TXNDC16: variants seen among roughly 807,000 people sequenced by gnomAD.
TXNDC16 encodes the protein thioredoxin domain containing 16.
A neutral mutation model predicts 85.6 loss-of-function variants in TXNDC16; 74 were observed. The observed-to-expected ratio is 0.86, with a 90% CI of 0.72 to 1.05. The LOEUF (loss-of-function observed/expected upper bound fraction) is 1.05. Ranked by LOEUF, TXNDC16 falls within the 50% of genes least tolerant of loss-of-function variation. TXNDC16 has a pLI of 0.00. For synonymous variants in TXNDC16, 335 were observed against 326.5 expected, an observed-to-expected ratio of 1.03 and a Z score of -0.28; for missense variants, 959 against 947.0, an observed-to-expected ratio of 1.01 and a Z score of -0.17.
chr14:52,539,227 G>T (rs183081607), intron 4 of TXNDC16, among the ~76,000 whole-genome samples: 8 of 152,282 alleles, frequency 5.3e-5, no homozygotes, highest in African/African-American at 1.9e-4. Context: ...TTTTAGAGAG[G>T]TAATCAAGGA....
chr14:52,486,587 G>A (rs1183703380), intron 12 of TXNDC16, among the ~76,000 whole-genome samples: 3 of 151,804 alleles, frequency 2.0e-5, no homozygotes, highest in Admixed American at 2.0e-4. Flanking sequence ...TTTCTCTGGG[G>A]TGCACCTGTC....
chr14:52,495,663 C>T (rs975890954), intron 9 of TXNDC16, among the ~76,000 whole-genome samples: 1 of 152,094 alleles, frequency 6.6e-6, no homozygotes, highest in African/African-American at 2.4e-5. Flanking sequence ...CGGTAGTCTG[C>T]CCCCTGGCTA....
chr14:52,527,798 T>C (rs1371760327), intron 6 of TXNDC16, among the ~76,000 whole-genome samples: 4 of 152,116 alleles, frequency 2.6e-5, no homozygotes, highest in African/African-American at 9.7e-5. Context: ...GACTCACAAG[T>C]AGGGTAACAA....
intron 4 of TXNDC16, among the ~76,000 whole-genome samples, chr14:52,540,433 T>C (rs1455066499): frequency 6.6e-6 from 1 of 152,146 alleles, no homozygotes; most frequent in Non-Finnish European, 1.5e-5. Flanking sequence ...GAGACCAGCC[T>C]GACCAATATG....
At chr14:52,486,798 A>G (rs2036283155) in intron 12 of TXNDC16, among the ~76,000 whole-genome samples, 1 of 152,234 alleles carries the variant, frequency 6.6e-6, no homozygotes, top group African/African-American at 2.4e-5. Flanking sequence ...CAAAAGAAAT[A>G]CTAGAAACAG....
chr14:52,433,599 G>T (rs1393493983), intron 20 of TXNDC16, among the ~76,000 whole-genome samples: 3 of 152,072 alleles, frequency 2.0e-5, no homozygotes, highest in Admixed American at 6.6e-5. Context: ...CTAGAGTAAA[G>T]CTCAAACAAA....
At chr14:52,491,154 A>G (rs2036395642) in intron 9 of TXNDC16, 149 bp from the exon 10 acceptor site, 2 of 938,616 alleles carry the variant, frequency 2.1e-6, no homozygotes, top group East Asian at 5.5e-5. Flanking sequence ...AATTCCCTGA[A>G]TTTAATGCTC....
intron 20 of TXNDC16, 112 bp from the exon 21 acceptor site, chr14:52,432,699 T>C (rs1009944106): frequency 8.4e-6 from 9 of 1,069,896 alleles, no homozygotes; most frequent in Admixed American, 3.6e-5. Flanking sequence ...GAAAGTTTTA[T>C]TAGTTTTACT....
intron 14 of TXNDC16, among the ~76,000 whole-genome samples, chr14:52,474,585 C>T (rs921248439): frequency 2.0e-5 from 3 of 152,116 alleles, no homozygotes; most frequent in African/African-American, 7.2e-5. Flanking sequence ...CAAAAACTAG[C>T]CAAGCACGGT....
chr14:52,452,385 CA>C (rs1445020672), intron 18 of TXNDC16, among the ~76,000 whole-genome samples: 1 of 151,772 alleles, frequency 6.6e-6, no homozygotes, highest in Non-Finnish European at 1.5e-5. Flanking sequence ...TATTCCTAAG[CA>C]AAAAAAGAAC....
chr14:52,446,327 A>C (rs2140106781), intron 18 of TXNDC16, among the ~76,000 whole-genome samples: 1 of 152,366 alleles, frequency 6.6e-6, no homozygotes, highest in East Asian at 1.9e-4. Flanking sequence ...AACAGCAGGC[A>C]AAACCAGACT....
chr14:52,528,875 A>G (rs1339619926), intron 6 of TXNDC16, among the ~76,000 whole-genome samples: 2 of 147,266 alleles, frequency 1.4e-5, no homozygotes, highest in Admixed American at 6.8e-5. Flanking sequence ...AATACCTATT[A>G]TATATATTAT....
intron 15 of TXNDC16, 65 bp from the exon 16 acceptor site, chr14:52,470,238 A>AT: frequency 7.9e-7 from 1 of 1,271,908 alleles, no homozygotes; most frequent in Non-Finnish European, 1.1e-6. Context: ...GTAAAAAAAA[A>AT]GCATACTAAA....
At chr14:52,510,774 A>G (rs1000915799) in intron 9 of TXNDC16, among the ~76,000 whole-genome samples, 2 of 152,240 alleles carry the variant, frequency 1.3e-5, no homozygotes, top group African/African-American at 2.4e-5. Context: ...TGTCTCTACA[A>G]CATTCTTTCA....
chr14:52,517,669 T>C (rs924182797), intron 7 of TXNDC16, among the ~76,000 whole-genome samples: 2 of 152,086 alleles, frequency 1.3e-5, no homozygotes, highest in African/African-American at 4.8e-5. Flanking sequence ...CATTCCATCC[T>C]CTCTTGCCTA....
intron 18 of TXNDC16, among the ~76,000 whole-genome samples, chr14:52,445,411 C>T (rs78008073): frequency 0.013 from 2,028 of 152,176 alleles, 44 homozygotes; most frequent in African/African-American, 0.046. Flanking sequence ...ATGTAATGTC[C>T]TTTAGATCAT....
chr14:52,515,101 G>A lies in TXNDC16; in HGVS notation c.515-131C>T, dbSNP rs866641949. ...TATTTAAAGAAAAATCCTTCACAGGGATACTAGTTGGGAAAATGCAGGCAG... is the reference window on the plus strand; with the variant it reads ...TATTTAAAGAAAAATCCTTCACAGGAATACTAGTTGGGAAAATGCAGGCAG... On this transcript the variant is annotated intron_variant, in intron 7 of 20. Coordinates refer to ENST00000281741, the MANE Select transcript of TXNDC16 (RefSeq NM_020784.3). 45 of 536,366 alleles carry A rather than the reference G, an allele frequency of 8.4e-5. 1 individual carries two copies. Among genetic ancestry groups the A allele is most frequent in the African/African-American group, 6.8e-4 (35 of 51,364 alleles). The allele number at this position is 536,366 out of a possible 1,614,324, so 33.2% of individuals were successfully genotyped here.
At chr14:52,456,666 C>A (rs533252404) in intron 17 of TXNDC16, among the ~76,000 whole-genome samples, 5 of 152,154 alleles carry the variant, frequency 3.3e-5, no homozygotes, top group Non-Finnish European at 7.4e-5. Context: ...GAAGTCCCAC[C>A]TTCTACAGAT....
At chr14:52,492,406 A>C (rs567815693) in intron 9 of TXNDC16, among the ~76,000 whole-genome samples, 1 of 152,246 alleles carries the variant, frequency 6.6e-6, no homozygotes, top group African/African-American at 2.4e-5. Flanking sequence ...TCACCTCTTC[A>C]GTCTGCTTAC....
Sources: allele counts gnomAD v4.1 joint callset (sites outside exome capture counted in the v4.1 genomes callset), GRCh38; gene constraint gnomAD v4.1.1; transcripts MANE v1.5; gene names NCBI Gene and HGNC (gene_info 2026-07-23, HGNC 2026-07-21).